MRPL24: variants seen among roughly 807,000 people sequenced by gnomAD.
MRPL24 encodes the protein large ribosomal subunit protein uL24m.
A neutral mutation model predicts 26.9 loss-of-function variants in MRPL24; 15 were observed. The observed-to-expected ratio is 0.56, with a 90% CI of 0.37 to 0.86. The LOEUF is 0.86. MRPL24 is among the 40% of genes least tolerant of loss of function. The pLI is 0.00. For synonymous variants in MRPL24, 92 were observed against 102.4 expected, an observed-to-expected ratio of 0.90 and a Z score of 0.62; for missense variants, 241 against 281.4, an observed-to-expected ratio of 0.86 and a Z score of 1.03.
upstream of MRPL24, chr1:156,741,371 C>G (rs2102688455): frequency 6.6e-6 from 1 of 152,274 alleles, no homozygotes; most frequent in South Asian, 2.1e-4. Context: ...ATTGTAGTTT[C>G]TAGAGAAGAA....
At position 156,738,530 on chromosome 1, in the gene MRPL24, C is replaced by T. The variant is rs574608955; in HGVS notation, c.175G>A (p.Gly59Arg). ...CTGTATGAGGCTCTCACCGTGTCCCCACAGAACAGATACCAGTCTTCATCA... is the reference window on the plus strand; with the variant it reads ...CTGTATGAGGCTCTCACCGTGTCCCTACAGAACAGATACCAGTCTTCATCA... Reference protein sequence around the residue: ...ISDEDWYLFCGDTVEILEGKD... With the variant: ...ISDEDWYLFCRDTVEILEGKD... The change falls in exon 2 of 6, where the codon GGG becomes AGG. Residue 59 changes from glycine (G) to arginine (R), a missense_variant. Gly to Arg is a moderately radical substitution (Grantham distance 125, BLOSUM62 -2). Transcript: ENST00000361531. 1 of 1,614,144 alleles carries T rather than the reference C, an allele frequency of 6.2e-7. No homozygotes were observed. Among genetic ancestry groups the T allele is most frequent in the African/African-American group, 1.3e-5 (1 of 75,028 alleles).
At chr1:156,741,996 T>A (rs981400195), upstream of MRPL24, 11 of 152,528 alleles carry the variant, frequency 7.2e-5, no homozygotes, top group Non-Finnish European at 1.3e-4. Context: ...ATGGAGGAGG[T>A]TGACACCCTC....
intron 1 of MRPL24, 106 bp from the exon 2 acceptor site, chr1:156,738,870 A>G (rs1649989782): frequency 1.7e-6 from 1 of 600,732 alleles, no homozygotes; most frequent in South Asian, 2.5e-5. Context: ...TCCTCACAAG[A>G]GGTTATCATC....
chr1:156,738,744 T>C lies in MRPL24; in HGVS notation c.-40A>G. ...AGAAATCCCTTTGCCAGCAAAACGC[T>C]CGAAACCTTCCTTGTCAGCTCTGGG... is the stretch of plus-strand genomic sequence containing the variant. On this transcript the variant is annotated 5_prime_UTR_variant, in exon 2 of 6. Transcript: ENST00000361531. 6.5e-7 allele frequency: 1 copy of C among 1,539,616 alleles called. No homozygotes were observed. Among genetic ancestry groups the C allele is most frequent in the African/African-American group, 1.4e-5 (1 of 71,880 alleles).
chr1:156,737,303 G>T lies in MRPL24; in HGVS notation c.*95C>A, dbSNP rs1236350169. ...ACCACACAGCAGCTGTACACAGGAGGACTCATAAAGTGCTCTTTATTGGCA... is the reference window on the plus strand; with the variant it reads ...ACCACACAGCAGCTGTACACAGGAGTACTCATAAAGTGCTCTTTATTGGCA... On this transcript the variant is annotated 3_prime_UTR_variant, in exon 6 of 6. Coordinates refer to ENST00000361531, the MANE Select transcript of MRPL24 (RefSeq NM_145729.3). The T allele has an allele frequency of 6.2e-6, 8 of 1,297,630 alleles. No homozygotes were observed. Among genetic ancestry groups the T allele is most frequent in the South Asian group, 1.5e-5 (1 of 68,604 alleles). 80.4% of individuals were successfully genotyped at this position (1,297,630 alleles called of 1,614,324 possible).
In MRPL24 at chr1:156,737,330, C is replaced by T. The variant is rs1649896362; in HGVS notation, c.*68G>A. ...CTCATAAAGTGCTCTTTATTGGCAT[C>T]TGAAAAAGAAGTGCCTCAGCCTTCA... On this transcript the variant is annotated 3_prime_UTR_variant, in exon 6 of 6. Coordinates refer to ENST00000361531, the MANE Select transcript of MRPL24 (RefSeq NM_145729.3). 3.3e-6 allele frequency: 5 copies of T among 1,508,756 alleles called. No homozygotes were observed. Among genetic ancestry groups the T allele is most frequent in the Non-Finnish European group, 4.4e-6 (5 of 1,131,216 alleles). 93.5% of individuals were successfully genotyped at this position (1,508,756 alleles called of 1,614,324 possible).
At chr1:156,739,030 T>A (rs1227012683) in intron 1 of MRPL24, among the ~76,000 whole-genome samples, 1 of 152,208 alleles carries the variant, frequency 6.6e-6, no homozygotes, top group Non-Finnish European at 1.5e-5. Flanking sequence ...ATCTCACTCT[T>A]GAATCCAGAG....
intron 2 of MRPL24, 24 bp from the exon 3 acceptor site, chr1:156,738,462 G>A: frequency 6.2e-7 from 1 of 1,613,694 alleles, no homozygotes; most frequent in East Asian, 2.2e-5. Flanking sequence ...CGAAGGTTAG[G>A]GAGGGGGATC....
intron 4 of MRPL24, 79 bp from the exon 5 acceptor site, chr1:156,737,855 A>G: frequency 6.3e-7 from 1 of 1,581,660 alleles, no homozygotes; most frequent in African/African-American, 1.4e-5. Flanking sequence ...CAGTGGTTCA[A>G]AACACAAGGG....
At position 156,737,314 on chromosome 1, in the gene MRPL24, T is replaced by G; in HGVS notation, c.*84A>C. The G allele has an allele frequency of 1.4e-6, 2 of 1,417,354 alleles. No homozygotes were observed. Among genetic ancestry groups the G allele is most frequent in the Non-Finnish European group, 1.9e-6 (2 of 1,047,648 alleles). 87.8% of individuals were successfully genotyped at this position (1,417,354 alleles called of 1,614,324 possible). A position where few individuals can be genotyped will look rare whatever the true frequency, so the allele number is the denominator to read the frequency against. ...GCTGTACACAGGAGGACTCATAAAG[T>G]GCTCTTTATTGGCATCTGAAAAAGA... On this transcript the variant is annotated 3_prime_UTR_variant, in exon 6 of 6. Transcript: ENST00000361531.
Position 156,741,025 on chromosome 1 carries a change from G to T in MRPL24, c.-74C>A, listed in dbSNP as rs11550901. On this transcript the variant is annotated 5_prime_UTR_variant, in exon 1 of 6. Coordinates refer to ENST00000361531, the MANE Select transcript of MRPL24 (RefSeq NM_145729.3). Reference sequence around the variant, plus strand: ...CTCTTCCCGCACCTGCCTCTCGGACGGGCACCTCTAGGGCGGGCGGCCCTC... The same window carrying T: ...CTCTTCCCGCACCTGCCTCTCGGACTGGCACCTCTAGGGCGGGCGGCCCTC... 24,059 of 152,236 alleles carry T rather than the reference G, an allele frequency of 0.16. 2,290 individuals carry two copies. Among genetic ancestry groups the T allele is most frequent in the Middle Eastern group, 0.23 (69 of 294 alleles). 9.4% of individuals were successfully genotyped at this position (152,236 alleles called of 1,614,324 possible).
intron 1 of MRPL24, among the ~76,000 whole-genome samples, chr1:156,739,740 C>T (rs1374560151): frequency 2.6e-5 from 4 of 151,692 alleles, no homozygotes; most frequent in South Asian, 2.1e-4. Flanking sequence ...CAGCTCACCA[C>T]GACCTCTGCG....
intron 4 of MRPL24, 30 bp downstream of exon 4, chr1:156,738,001 A>C: frequency 6.3e-7 from 1 of 1,596,456 alleles, no homozygotes; most frequent in East Asian, 2.2e-5. Flanking sequence ...AGAGGGTGAG[A>C]AACCCTCTGC....
At position 156,737,548 on chromosome 1, in the gene MRPL24, G is replaced by A; in HGVS notation, c.515-14C>T. On this transcript the variant is annotated splice_polypyrimidine_tract_variant and intron_variant, in intron 5 of 5. Transcript: ENST00000361531. The stretch of plus-strand genomic sequence containing the variant: ...CTTTGGGGCCATCTGTTAAGCCAGA[G>A]GAAACTTAGATGGGTGGGAGGGCTT... 7.5e-6 allele frequency: 12 copies of A among 1,604,338 alleles called. No homozygotes were observed. The highest frequency in any genetic ancestry group is 9.4e-6 in the Non-Finnish European group (11 of 1,174,842).
chr1:156,741,441 A>G (rs1650106704), upstream of MRPL24: 1 of 152,212 alleles, frequency 6.6e-6, no homozygotes, highest in Non-Finnish European at 1.5e-5. Flanking sequence ...CCCTTTCCAG[A>G]CAGGGCTACC....
chr1:156,742,660 T>TC (rs1288345556), upstream of MRPL24: 2 of 153,560 alleles, frequency 1.3e-5, no homozygotes, highest in Non-Finnish European at 2.9e-5. Flanking sequence ...CTAGGAGTCT[T>TC]CCCAAGCATC....
upstream of MRPL24, chr1:156,742,478 G>A (rs1291805034): frequency 6.6e-6 from 1 of 152,652 alleles, no homozygotes; most frequent in Admixed American, 6.5e-5. Context: ...GGCAACGATG[G>A]GGAAGGAGCA....
chr1:156,740,193 T>G (rs1016550964), intron 1 of MRPL24, among the ~76,000 whole-genome samples: 1 of 152,240 alleles, frequency 6.6e-6, no homozygotes, highest in African/African-American at 2.4e-5. Flanking sequence ...TTGGGAGGTC[T>G]GTTAATTCCA....
chr1:156,740,501 A>G (rs906930222), intron 1 of MRPL24: 2 of 152,194 alleles, frequency 1.3e-5, no homozygotes, highest in African/African-American at 4.8e-5. Flanking sequence ...TTTGGTCTTC[A>G]CATTGCCCAG....
Sources: allele counts gnomAD v4.1 joint callset (sites outside exome capture counted in the v4.1 genomes callset), GRCh38; gene constraint gnomAD v4.1.1; transcripts MANE v1.5; gene names NCBI Gene and HGNC (gene_info 2026-07-23, HGNC 2026-07-21).